The following GLIS3 variants were observed in gnomAD, a reference collection of about 807,000 sequenced individuals.
GLIS3 encodes zinc finger protein GLIS3.
In GLIS3, 53 loss-of-function variants were observed where a neutral mutation model predicts 78.6. The observed-to-expected ratio is 0.67, with a 90% CI of 0.54 to 0.85. The LOEUF (loss-of-function observed/expected upper bound fraction) is 0.85. Among genes scored for constraint, GLIS3 ranks in the 40% least tolerant of loss-of-function variants. The probability of loss-of-function intolerance (pLI) is 0.00; values close to 1 mark genes in which losing one functional copy is unlikely to be tolerated. For synonymous variants in GLIS3, 684 were observed against 509.9 expected, an observed-to-expected ratio of 1.34 and a Z score of -4.60; for missense variants, 1,703 against 1,231.1, an observed-to-expected ratio of 1.38 and a Z score of -5.74.
At chr9:4,271,420 T>C (rs533809303) in intron 2 of GLIS3, among the ~76,000 whole-genome samples, 2 of 152,300 alleles carry the variant, frequency 1.3e-5, no homozygotes, top group East Asian at 3.9e-4. Context: ...AGGTCAATGG[T>C]ATATATCCTA....
At chr9:4,033,534 C>T (rs1824033145) in intron 4 of GLIS3, among the ~76,000 whole-genome samples, 1 of 152,050 alleles carries the variant, frequency 6.6e-6, no homozygotes, top group Admixed American at 6.6e-5. Flanking sequence ...GGAGAAGGGC[C>T]AGAATAGGGC....
chr9:4,258,115 T>C (rs547969510), intron 2 of GLIS3, among the ~76,000 whole-genome samples: 1 of 152,326 alleles, frequency 6.6e-6, no homozygotes, highest in Non-Finnish European at 1.5e-5. Flanking sequence ...GTTAATTTTA[T>C]TTTATTCTTT....
intron 4 of GLIS3, among the ~76,000 whole-genome samples, chr9:4,065,777 G>A (rs1827045603): frequency 6.6e-6 from 1 of 152,074 alleles, no homozygotes. Flanking sequence ...ATGTATAGAT[G>A]ACATCCATAA....
intron 2 of GLIS3, chr9:4,147,790 A>G (rs1834343890): frequency 6.7e-6 from 1 of 149,566 alleles, no homozygotes. Flanking sequence ...TTCTGGAAGC[A>G]AAGTTTCACT....
chr9:4,189,431 G>T (rs1360325571), intron 2 of GLIS3, among the ~76,000 whole-genome samples: 7 of 152,096 alleles, frequency 4.6e-5, no homozygotes, highest in Non-Finnish European at 7.4e-5. Context: ...GTCAATTTTG[G>T]AATACGTGTG....
chr9:4,215,223 C>A (rs979384812), intron 2 of GLIS3, among the ~76,000 whole-genome samples: 1 of 152,224 alleles, frequency 6.6e-6, no homozygotes, highest in Admixed American at 6.5e-5. Flanking sequence ...CTTCCAACCT[C>A]CCCTCTGAAA....
intron 4 of GLIS3, among the ~76,000 whole-genome samples, chr9:3,942,294 C>T (rs921733851): frequency 6.6e-6 from 1 of 152,154 alleles, no homozygotes; most frequent in Admixed American, 6.5e-5. Flanking sequence ...CACACTTTCA[C>T]AATTCCATCA....
chr9:4,060,350 C>G (rs1284074650), intron 4 of GLIS3, among the ~76,000 whole-genome samples: 2 of 152,208 alleles, frequency 1.3e-5, no homozygotes, highest in Non-Finnish European at 2.9e-5. Context: ...CAGCCTGCTT[C>G]TCGTCACCTT....
the GLIS3 span, among the ~76,000 whole-genome samples, chr9:4,476,151 G>A: frequency 6.6e-6 from 1 of 152,172 alleles, no homozygotes; most frequent in South Asian, 2.1e-4. Context: ...TGAAAACAAA[G>A]GGATGAATGT....
chr9:3,906,694 A>G (rs895388282), intron 6 of GLIS3, among the ~76,000 whole-genome samples: 4 of 152,142 alleles, frequency 2.6e-5, no homozygotes, highest in East Asian at 3.9e-4. Context: ...TCTCTCACCA[A>G]TCCATCCTGT....
At chr9:3,975,966 C>T (rs555220337) in intron 4 of GLIS3, among the ~76,000 whole-genome samples, 24 of 152,218 alleles carry the variant, frequency 1.6e-4, no homozygotes, top group African/African-American at 5.3e-4. Context: ...TTAAATCTGT[C>T]GCTGTCTCAT....
the GLIS3 span, among the ~76,000 whole-genome samples, chr9:4,374,852 G>A: frequency 1.3e-5 from 2 of 152,366 alleles, no homozygotes; most frequent in African/African-American, 4.8e-5. Flanking sequence ...ATGCACATAT[G>A]TGCACACAAT....
chr9:3,945,107 A>G (rs1304942795), intron 4 of GLIS3, among the ~76,000 whole-genome samples: 1 of 152,188 alleles, frequency 6.6e-6, no homozygotes, highest in East Asian at 1.9e-4. Flanking sequence ...ACCTCTCAGC[A>G]CTGACACATG....
the GLIS3 span, among the ~76,000 whole-genome samples, chr9:4,407,615 C>G: frequency 6.6e-6 from 1 of 152,174 alleles, no homozygotes; most frequent in Non-Finnish European, 1.5e-5. Flanking sequence ...CCACCGCACT[C>G]CAGCCTGGGA....
rs563274852 is a variant in GLIS3, at chr9:4,289,052, T to G, written c.-98-2529A>C. Among the ~76,000 whole-genome samples, 11 of 152,264 alleles carry G rather than the reference T, an allele frequency of 7.2e-5. No homozygotes were observed. In the South Asian group the frequency reaches 2.3e-3, roughly 32 times the overall value. ...GATGAAGATATAATCCTAAGTCTCC[T>G]TGGTAACAAAAAAAGGGATAAAATG... On this transcript the variant is annotated intron_variant, in intron 1 of 10. Coordinates refer to ENST00000381971, the MANE Select transcript of GLIS3 (RefSeq NM_001042413.2).
rs1480101905 is a variant in GLIS3 at position 4,286,209 on chromosome 9, T to C, written c.217A>G (p.Asn73Asp). The C allele has an allele frequency of 4.3e-6, 7 of 1,614,110 alleles. No individual in the cohort carries two copies. The highest frequency in any genetic ancestry group is 1.6e-4 in the Middle Eastern group (1 of 6,084). The change falls in exon 2 of 11, where the codon AAC (asparagine) becomes GAC (aspartate). Residue 73 changes from asparagine to aspartate, a missense_variant. Physicochemically the swap from Asn to Asp is conservative, Grantham distance 23. Coordinates refer to ENST00000381971, the MANE Select transcript of GLIS3 (RefSeq NM_001042413.2). ...AGATGGATGCGGCTCTCAGCCACGTTGTTCTGAGGAGCCATCCCTCCTCCT... is the reference window on the plus strand; with the variant it reads ...AGATGGATGCGGCTCTCAGCCACGTCGTTCTGAGGAGCCATCCCTCCTCCT... ...PSGGGMAPQNNVAESRIHLPA... is the reference protein window; with the variant it reads ...PSGGGMAPQNDVAESRIHLPA...
chr9:4,394,607 T>C, the GLIS3 span, among the ~76,000 whole-genome samples: 1 of 152,186 alleles, frequency 6.6e-6, no homozygotes, highest in Non-Finnish European at 1.5e-5. Context: ...GAGAAACAAT[T>C]CATACCCATT....
chr9:4,465,641 C>A, the GLIS3 span, among the ~76,000 whole-genome samples: 1 of 152,104 alleles, frequency 6.6e-6, no homozygotes, highest in Non-Finnish European at 1.5e-5. Flanking sequence ...GGGATGGATA[C>A]CCCATTCCCC....
the GLIS3 span, among the ~76,000 whole-genome samples, chr9:4,368,246 C>T: frequency 6.6e-6 from 1 of 152,092 alleles, no homozygotes; most frequent in Non-Finnish European, 1.5e-5. Flanking sequence ...CCTGGAAAGC[C>T]CTTACTATGG....
Sources: allele counts gnomAD v4.1 joint callset (sites outside exome capture counted in the v4.1 genomes callset), GRCh38; gene constraint gnomAD v4.1.1; transcripts MANE v1.5; gene names NCBI Gene and HGNC (gene_info 2026-07-23, HGNC 2026-07-21).